SLC7A1: variants seen among roughly 807,000 people sequenced by gnomAD.
SLC7A1 encodes solute carrier family 7 member 1, also known as high affinity cationic amino acid transporter 1.
A neutral mutation model predicts 53.9 loss-of-function variants in SLC7A1; 10 were observed. The ratio of observed to expected loss-of-function variants is 0.19; its 90% CI spans 0.11 to 0.31. The LOEUF is 0.31. Among genes scored for constraint, SLC7A1 ranks in the 10% least tolerant of loss-of-function variants. The pLI is 1.00. For synonymous variants in SLC7A1, 342 were observed against 338.7 expected, an observed-to-expected ratio of 1.01 and a Z score of -0.11; for missense variants, 525 against 827.2, an observed-to-expected ratio of 0.63 and a Z score of 4.48.
chr13:29,569,988 A>G (rs1002456533), intron 1 of SLC7A1, among the ~76,000 whole-genome samples: 1 of 152,324 alleles, frequency 6.6e-6, no homozygotes. Context: ...CACAAATTAA[A>G]AGAAAAACAG....
rs1883379675 is a variant in SLC7A1 at position 29,511,201 on chromosome 13, G to A, written c.*3279C>T. The A allele has an allele frequency of 6.5e-6, 1 of 152,788 alleles. No individual in the cohort carries two copies. The highest frequency in any genetic ancestry group is 2.1e-4 in the South Asian group (1 of 4,836). The allele number at this position is 152,788 out of a possible 1,614,324, so 9.5% of individuals were successfully genotyped here. On this transcript the variant is annotated 3_prime_UTR_variant, in exon 13 of 13. Coordinates refer to ENST00000380752, the MANE Select transcript of SLC7A1 (RefSeq NM_003045.5). ...GGCCTTGGTGGCTGGGGTAGGTGGA[G>A]AAGCCCGCTGCCCCCACCATCCTGC...
rs370848106 is a variant in SLC7A1, at chr13:29,522,370, T to C, written c.1136A>G (p.Asn379Ser). 1.4e-5 allele frequency: 22 copies of C among 1,614,110 alleles called. No individual in the cohort carries two copies. In the Admixed American group the frequency reaches 1.7e-4, roughly 12 times the overall value. The change falls in exon 8 of 13, where the codon AAT becomes AGT. Residue 379 changes from asparagine to serine, a missense_variant. This residue lies in a region of SLC7A1 where 354 missense variants were observed against 587.5 expected (regional missense o/e 0.60). Transcript: ENST00000380752. Reference protein sequence around the residue: ...GLLFKFLANVNDRTKTPIIAT... With the variant: ...GLLFKFLANVSDRTKTPIIAT... ...GATTATTGGTGTTTTGGTCCTATCA[T>C]TGACGTTGGCTAAGAATTTAAATAG...
intron 1 of SLC7A1, among the ~76,000 whole-genome samples, chr13:29,580,834 C>T (rs1593582696): frequency 6.6e-6 from 1 of 152,134 alleles, no homozygotes; most frequent in African/African-American, 2.4e-5. Context: ...CCCAAAGAAG[C>T]AATGCCATGA....
Position 29,530,553 on chromosome 13 carries a change from C to T in SLC7A1, c.689G>A (p.Arg230His), listed in dbSNP as rs371178322. Residue 230 changes from arginine to histidine, a missense_variant, in exon 5 of 13, where the codon CGT becomes CAT. Around this residue, in one of 4 missense-constraint regions of SLC7A1, gnomAD observed 354 missense variants for 587.5 expected, o/e 0.60. Coordinates refer to ENST00000380752, the MANE Select transcript of SLC7A1 (RefSeq NM_003045.5). ...TEEDFGNTSG[R>H]LCLNNDTKEG... ...AGCAACTCACTTGTTCAAACAGAGA[C>T]GGCCTGATGTGTTCCCAAAATCCTC... The T allele has an allele frequency of 4.4e-5, 71 of 1,613,750 alleles. No individual in the cohort carries two copies. The Admixed American group carries it at 5.0e-4, about 11-fold the overall frequency.
chr13:29,569,017 G>A (rs1458065432), intron 1 of SLC7A1, among the ~76,000 whole-genome samples: 1 of 152,148 alleles, frequency 6.6e-6, no homozygotes, highest in Admixed American at 6.5e-5. Context: ...TTTTAAGAAC[G>A]GACTCCTATC....
At chr13:29,514,719 C>A (rs1042529297) in intron 12 of SLC7A1, 136 bp from the exon 13 acceptor site, 6 of 635,376 alleles carry the variant, frequency 9.4e-6, no homozygotes, top group Non-Finnish European at 1.7e-5. Flanking sequence ...CCGCAGCCAG[C>A]GGCCCCTGTG....
At position 29,523,361 on chromosome 13, in the gene SLC7A1, G is replaced by A; in HGVS notation, c.954C>T (p.Asp318=). The change falls in exon 7 of 13, where the codon GAC becomes GAT. Residue 318 remains aspartate, a synonymous_variant. Transcript: ENST00000380752. ...LTLMMPYFCL[D]NNSPLPDAFK... ...AGGCGTCGGGCAGGGGGCTGTTATTGTCCAGGCAGAAGTAGGGCATCATGA... is the reference window on the plus strand; with the variant it reads ...AGGCGTCGGGCAGGGGGCTGTTATTATCCAGGCAGAAGTAGGGCATCATGA... The A allele has an allele frequency of 6.2e-7, 1 of 1,613,780 alleles. No homozygotes were observed. Among genetic ancestry groups the A allele is most frequent in the African/African-American group, 1.3e-5 (1 of 75,002 alleles).
rs185543408 is a variant in SLC7A1 at position 29,554,847 on chromosome 13, T to C, written c.-114-987A>G. Among the ~76,000 whole-genome samples, 200 of 152,356 alleles carry C rather than the reference T, an allele frequency of 1.3e-3. 1 individual carries two copies. The highest frequency in any genetic ancestry group is 1.7e-3 in the Non-Finnish European group (118 of 68,032). ...ACATTGATAATTCATCCCACACTGA[T>C]ATTTCATTCCTTTTCACTTTCTATG... On this transcript the variant is annotated intron_variant, in intron 1 of 12. Transcript: ENST00000380752.
chr13:29,581,282 C>T (rs1871634639), intron 1 of SLC7A1, among the ~76,000 whole-genome samples: 1 of 152,136 alleles, frequency 6.6e-6, no homozygotes, highest in Non-Finnish European at 1.5e-5. Flanking sequence ...TTTTCACAGG[C>T]GTTTGCAGAA....
At position 29,530,721 on chromosome 13, in the gene SLC7A1, G is replaced by A. The variant is rs768053709; in HGVS notation, c.530-9C>T. On this transcript the variant is annotated splice_polypyrimidine_tract_variant and intron_variant, in intron 4 of 12. Transcript: ENST00000380752. ...ACCAAGAGTTAAAAGTCCTGAAAAA[G>A]TGCATAGACACAAAACTTTGTCTGA... 1.9e-6 allele frequency: 3 copies of A among 1,612,226 alleles called. No individual in the cohort carries two copies. Among genetic ancestry groups the A allele is most frequent in the Non-Finnish European group, 2.5e-6 (3 of 1,178,560 alleles).
At chr13:29,587,230 T>C (rs73154452) in intron 1 of SLC7A1, among the ~76,000 whole-genome samples, 11,296 of 152,210 alleles carry the variant, frequency 0.074, 568 homozygotes, top group Non-Finnish European at 0.11. Context: ...AACAAAATCC[T>C]TCCAGAAACC....
intron 2 of SLC7A1, among the ~76,000 whole-genome samples, chr13:29,539,666 C>T (rs774056822): frequency 2.7e-4 from 41 of 152,172 alleles, no homozygotes; most frequent in Non-Finnish European, 5.1e-4. Flanking sequence ...TTCCCCCACA[C>T]CAAGCCCAGG....
At chr13:29,587,877 G>A (rs986757922) in intron 1 of SLC7A1, among the ~76,000 whole-genome samples, 11 of 152,184 alleles carry the variant, frequency 7.2e-5, no homozygotes, top group Admixed American at 2.6e-4. Flanking sequence ...ACTAGTGTGT[G>A]GGTGGTGGAG....
chr13:29,547,857 C>T (rs1241737940), intron 2 of SLC7A1, among the ~76,000 whole-genome samples: 3 of 152,196 alleles, frequency 2.0e-5, no homozygotes, highest in Non-Finnish European at 4.4e-5. Flanking sequence ...CAAAGGACTT[C>T]GTCTGGGGCT....
rs544034471 is a variant in SLC7A1 at position 29,521,554 on chromosome 13, T to C, written c.1189+763A>G. ...CTGTACAGTGGGCTGACGTCTGCCT[T>C]TTGGGGCTACGAAATGCAATTGCGA... On this transcript the variant is annotated intron_variant, in intron 8 of 12. Transcript: ENST00000380752. Among the ~76,000 whole-genome samples, 48 of 152,228 alleles carry C rather than the reference T, an allele frequency of 3.2e-4. No individual in the cohort carries two copies. In the South Asian group the frequency reaches 8.7e-3, roughly 28 times the overall value.
At chr13:29,563,804 C>T (rs1870860894) in intron 1 of SLC7A1, among the ~76,000 whole-genome samples, 1 of 152,196 alleles carries the variant, frequency 6.6e-6, no homozygotes, top group Admixed American at 6.5e-5. Flanking sequence ...AAAGGTAGCT[C>T]AACTCTGAAA....
intron 1 of SLC7A1, among the ~76,000 whole-genome samples, chr13:29,594,589 T>C (rs954450474): frequency 6.6e-6 from 1 of 152,224 alleles, no homozygotes; most frequent in African/African-American, 2.4e-5. Context: ...CTGGGAAGTT[T>C]TCTACTACGC....
chr13:29,557,694 G>T (rs1016283342), intron 1 of SLC7A1, among the ~76,000 whole-genome samples: 15 of 130,066 alleles, frequency 1.2e-4, no homozygotes, highest in Non-Finnish European at 2.3e-4. Flanking sequence ...GAATATGAGT[G>T]GGGGGGAGTG....
intron 2 of SLC7A1, among the ~76,000 whole-genome samples, chr13:29,549,251 A>G (rs1870064269): frequency 6.6e-6 from 1 of 152,208 alleles, no homozygotes; most frequent in Non-Finnish European, 1.5e-5. Flanking sequence ...CTGAATGATC[A>G]AAGACCAGGA....
Sources: gnomAD v4.1 joint callset for allele counts (sites outside exome capture counted in the v4.1 genomes callset) on GRCh38, gnomAD v4.1.1 for gene constraint, gnomAD v4.1.1 regional missense constraint, MANE v1.5 for transcripts, NCBI Gene and HGNC (gene_info 2026-07-23, HGNC 2026-07-21) for gene names.